MARCHF2: variants seen among roughly 807,000 people sequenced by gnomAD.
MARCHF2 encodes membrane associated ring-CH-type finger 2.
MARCHF2 carries 22 observed loss-of-function variants against 24.0 expected under a neutral mutation model. The ratio of observed to expected loss-of-function variants is 0.92; its 90% CI spans 0.66 to 1.31. The LOEUF is 1.31. Ranked by LOEUF, MARCHF2 falls within the 50% of genes most tolerant of loss-of-function variation. The pLI is 0.00. For missense variants in MARCHF2, 301 were observed against 335.3 expected (o/e 0.90, Z 0.80); for synonymous variants, 154 against 153.0 (o/e 1.01, Z -0.05).
intron 3 of MARCHF2, among the ~76,000 whole-genome samples, chr19:8,427,028 T>C (rs1430769157): frequency 6.6e-6 from 1 of 152,100 alleles, no homozygotes. Context: ...GTCTTTCTTC[T>C]TCTTCTTTCT....
Position 8,438,277 on chromosome 19 carries a change from C to T in MARCHF2, c.583-111C>T, listed in dbSNP as rs1022560728. The T allele has an allele frequency of 9.0e-6, 10 of 1,110,920 alleles. No homozygotes were observed. In the Admixed American group the frequency reaches 1.7e-4, roughly 19 times the overall value. 68.8% of individuals were successfully genotyped at this position (1,110,920 alleles called of 1,614,324 possible). ...GAATGTTCATAAGCCAGCTCTGCTT[C>T]TGGAAGCATGAGCCCCAGCCATGGT... On this transcript the variant is annotated intron_variant, in intron 4 of 4. Transcript: ENST00000215555.
Position 8,424,434 on chromosome 19 carries a change from G to A in MARCHF2, c.177-2175G>A, listed in dbSNP as rs551033047. On this transcript the variant is annotated intron_variant, in intron 2 of 4. Transcript: ENST00000215555. ...TGTAATCCCAGCACTTTGGGAGGCCGAGGCGGGTGGATCACGAGGTCAGGA... is the reference window on the plus strand; with the variant it reads ...TGTAATCCCAGCACTTTGGGAGGCCAAGGCGGGTGGATCACGAGGTCAGGA... Among the ~76,000 whole-genome samples the A allele has an allele frequency of 5.9e-5, 9 of 152,180 alleles. No individual in the cohort carries two copies. In the East Asian group the frequency reaches 7.7e-4, roughly 13 times the overall value.
intron 4 of MARCHF2, among the ~76,000 whole-genome samples, chr19:8,433,427 CCAGCA>C (rs1967631674): frequency 6.6e-6 from 1 of 151,624 alleles, no homozygotes; most frequent in Non-Finnish European, 1.5e-5. Context: ...GCCTGTAATT[CCAGCA>C]CTTTGGGAGG....
intron 1 of MARCHF2, among the ~76,000 whole-genome samples, chr19:8,415,543 AC>A (rs1967054230): frequency 6.6e-6 from 1 of 151,426 alleles, no homozygotes; most frequent in South Asian, 2.1e-4. Flanking sequence ...ACATGGTGAA[AC>A]CCCGTCTCTA....
At chr19:8,427,519 GAAAAA>G (rs71175855) in intron 3 of MARCHF2, among the ~76,000 whole-genome samples, 5 of 132,060 alleles carry the variant, frequency 3.8e-5, no homozygotes, top group African/African-American at 5.6e-5. Context: ...TGAGGTTACA[GAAAAA>G]AAAAAAAAAA....
rs371333366 is a variant in MARCHF2 at position 8,430,756 on chromosome 19, G to C, written c.471G>C (p.Trp157Cys). 6.2e-7 allele frequency: 1 copy of C among 1,611,594 alleles called. No homozygotes were observed. The highest frequency in any genetic ancestry group is 8.5e-7 in the Non-Finnish European group (1 of 1,180,020). Residue 157 changes from tryptophan to cysteine, a missense_variant, in exon 4 of 5, where the codon TGG (tryptophan) becomes TGC (cysteine). By Grantham distance (215) the Trp-to-Cys change is radical. Transcript: ENST00000215555. The surrounding 1 kb of genome is among the most constrained non-coding windows in gnomAD (Gnocchi z 4.4). Reference sequence around the variant, plus strand: ...CACCGCTGGCCGCCATCTCAGGCTGGTTGTGCCTGCGCGGGGCCCAGGACC... The same window carrying C: ...CACCGCTGGCCGCCATCTCAGGCTGCTTGTGCCTGCGCGGGGCCCAGGACC... ...FITPLAAISGWLCLRGAQDHL... is the reference protein window; with the variant it reads ...FITPLAAISGCLCLRGAQDHL...
chr19:8,422,292 C>T (rs757575988), intron 2 of MARCHF2, among the ~76,000 whole-genome samples: 23 of 152,058 alleles, frequency 1.5e-4, no homozygotes, highest in African/African-American at 4.8e-4. Flanking sequence ...GTATAGGGGG[C>T]GGTCAGGAGT....
chr19:8,429,262 C>T (rs1967508397), intron 3 of MARCHF2, among the ~76,000 whole-genome samples: 2 of 152,006 alleles, frequency 1.3e-5, no homozygotes, highest in Admixed American at 1.3e-4. Flanking sequence ...TTTCATACCT[C>T]CACTGCCAGC....
Position 8,421,776 on chromosome 19 carries a change from G to A in MARCHF2, c.-52-13G>A, listed in dbSNP as rs1353704536. 3.4e-6 allele frequency: 5 copies of A among 1,485,114 alleles called. No individual in the cohort carries two copies. Among genetic ancestry groups the A allele is most frequent in the African/African-American group, 2.8e-5 (2 of 71,460 alleles). The allele number at this position is 1,485,114 out of a possible 1,614,324, so 92.0% of individuals were successfully genotyped here. A position where few individuals can be genotyped will look rare whatever the true frequency, so the allele number is the denominator to read the frequency against. Reference sequence around the variant, plus strand: ...TAACCTTGCCCCTAACCTCCGCACTGGCCTGTTCCCAGGCTCCTGGAACCA... The same window carrying A: ...TAACCTTGCCCCTAACCTCCGCACTAGCCTGTTCCCAGGCTCCTGGAACCA... On this transcript the variant is annotated splice_polypyrimidine_tract_variant and intron_variant, in intron 1 of 4. Coordinates refer to ENST00000215555, the MANE Select transcript of MARCHF2 (RefSeq NM_001005415.2).
At chr19:8,434,566 G>C (rs1252141622) in intron 4 of MARCHF2, among the ~76,000 whole-genome samples, 1 of 151,818 alleles carries the variant, frequency 6.6e-6, no homozygotes, top group African/African-American at 2.4e-5. Flanking sequence ...ACTTTTGACA[G>C]GCACTGGGAT....
intron 4 of MARCHF2, among the ~76,000 whole-genome samples, chr19:8,436,485 C>T (rs756219539): frequency 3.3e-5 from 5 of 151,976 alleles, no homozygotes; most frequent in Non-Finnish European, 7.4e-5. Context: ...TAAAAGTCCT[C>T]TGTGCTCTCT....
intron 4 of MARCHF2, among the ~76,000 whole-genome samples, chr19:8,431,909 T>C (rs562504387): frequency 3.4e-5 from 5 of 148,000 alleles, no homozygotes; most frequent in African/African-American, 1.2e-4. Flanking sequence ...GTAATCCCCA[T>C]ACTTTGGGAG....
At chr19:8,417,748 CTTTTTTTTTT>C (rs71175853) in intron 1 of MARCHF2, among the ~76,000 whole-genome samples, 4 of 26,828 alleles carry the variant, frequency 1.5e-4, no homozygotes, top group Non-Finnish European at 1.9e-4. Context: ...AATACCCTGT[CTTTTTTTTTT>C]TTTTTTTTTT....
chr19:8,431,354 A>G (rs1288294633), intron 4 of MARCHF2, among the ~76,000 whole-genome samples: 1 of 151,632 alleles, frequency 6.6e-6, no homozygotes, highest in Admixed American at 6.6e-5. Flanking sequence ...CAAATTAACC[A>G]GGTGTGGTGG....
intron 4 of MARCHF2, among the ~76,000 whole-genome samples, chr19:8,437,823 C>T (rs566222235): frequency 4.1e-4 from 63 of 151,952 alleles, no homozygotes; most frequent in East Asian, 1.9e-4. Context: ...CGGCTCACTG[C>T]GGCCCATATC....
rs756449174 is a variant in MARCHF2 at position 8,426,544 on chromosome 19, G to A, written c.177-65G>A. 277 of 1,344,664 alleles carry A rather than the reference G, an allele frequency of 2.1e-4. 1 individual carries two copies. The highest frequency in any genetic ancestry group is 2.6e-4 in the Non-Finnish European group (249 of 950,766). The allele number at this position is 1,344,664 out of a possible 1,614,324, so 83.3% of individuals were successfully genotyped here. On this transcript the variant is annotated intron_variant, in intron 2 of 4. Coordinates refer to ENST00000215555, the MANE Select transcript of MARCHF2 (RefSeq NM_001005415.2). ...GGTAAGGGTGAGCTTGTGATCCAGT[G>A]GGTAGTGAAGCAGGTATAGACAGAA... is the stretch of plus-strand genomic sequence containing the variant.
At chr19:8,435,017 T>C (rs1967676105) in intron 4 of MARCHF2, among the ~76,000 whole-genome samples, 1 of 143,630 alleles carries the variant, frequency 7.0e-6, no homozygotes, top group East Asian at 2.1e-4. Context: ...CATTTATTTT[T>C]TAATTTTTTT....
intron 1 of MARCHF2, among the ~76,000 whole-genome samples, chr19:8,413,967 T>A (rs952431571): frequency 6.6e-6 from 1 of 152,026 alleles, no homozygotes; most frequent in Non-Finnish European, 1.5e-5. Context: ...TGTTATACAG[T>A]TGAGAGAGTC....
intron 1 of MARCHF2, among the ~76,000 whole-genome samples, chr19:8,415,735 C>CAAACAA (rs1967064406): frequency 1.0e-5 from 1 of 96,730 alleles, no homozygotes; most frequent in Non-Finnish European, 2.1e-5. Flanking sequence ...AAAAAAAAAA[C>CAAACAA]AAAAAAAACA....
Sources: gnomAD v4.1 joint callset for allele counts (sites outside exome capture counted in the v4.1 genomes callset) on GRCh38, gnomAD v4.1.1 for gene constraint, Gnocchi (gnomAD v3.1) non-coding constraint, MANE v1.5 for transcripts, NCBI Gene and HGNC (gene_info 2026-07-23, HGNC 2026-07-21) for gene names.